The following SNTG2 variants were observed in gnomAD, a reference collection of about 807,000 sequenced individuals.
SNTG2 encodes the protein gamma-2-syntrophin.
A neutral mutation model predicts 70.9 loss-of-function variants in SNTG2; 74 were observed. The observed-to-expected ratio is 1.04, with a 90% CI of 0.86 to 1.27. SNTG2 has a LOEUF of 1.27. Ranked by LOEUF, SNTG2 falls within the 50% of genes most tolerant of loss-of-function variation. The probability of loss-of-function intolerance (pLI) is 0.00; values close to 1 mark genes in which losing one functional copy is unlikely to be tolerated. For synonymous variants in SNTG2, 278 were observed against 273.8 expected (o/e 1.02, Z -0.15); for missense variants, 717 against 690.7 (o/e 1.04, Z -0.43).
At chr2:1,046,767 TTCTC>T (rs147108829) in intron 1 of SNTG2, among the ~76,000 whole-genome samples, 2 of 152,080 alleles carry the variant, frequency 1.3e-5, no homozygotes, top group South Asian at 2.1e-4. Context: ...GATCTTCCTC[TTCTC>T]TCTCTCTGTC....
intron 6 of SNTG2, among the ~76,000 whole-genome samples, chr2:1,138,713 G>C (rs1317281882): frequency 6.6e-6 from 1 of 152,204 alleles, no homozygotes; most frequent in African/African-American, 2.4e-5. Flanking sequence ...GTTTAATTCT[G>C]TGAGTTGCAG....
intron 9 of SNTG2, among the ~76,000 whole-genome samples, chr2:1,230,676 G>A (rs759601177): frequency 6.6e-5 from 10 of 152,302 alleles, no homozygotes; most frequent in East Asian, 1.9e-4. Flanking sequence ...CCCACCTTAC[G>A]GATAGCACAG....
intron 12 of SNTG2, among the ~76,000 whole-genome samples, chr2:1,258,055 TA>T (rs1678221983): frequency 6.6e-6 from 1 of 152,102 alleles, no homozygotes; most frequent in Non-Finnish European, 1.5e-5. Flanking sequence ...TTGCCAGTAA[TA>T]AAACCAGCAC....
rs372549426 is a variant in SNTG2, at chr2:1,097,787, C to T, written c.211-409C>T. Among the ~76,000 whole-genome samples the T allele has an allele frequency of 2.1e-4, 32 of 152,066 alleles. 1 individual carries two copies. Among genetic ancestry groups the T allele is most frequent in the African/African-American group, 7.2e-4 (30 of 41,488 alleles). The stretch of plus-strand genomic sequence containing the variant: ...ACTTCAGCAGAGACGTACAGTGAAG[C>T]GTGAGCCGGTCCTGGGGTTGGTGGG... On this transcript the variant is annotated intron_variant, in intron 2 of 16. Transcript: ENST00000308624. The surrounding 1 kb of genome is among the most constrained non-coding windows in gnomAD (Gnocchi z 4.1).
In SNTG2 at chr2:950,930, GGCTCGGACGGGGTCCTGGCGTTGA is replaced by G. The variant is rs1572154015; in HGVS notation, c.-60_-37del. 12 of 829,958 alleles carry G rather than the reference GGCTCGGACGGGGTCCTGGCGTTGA, an allele frequency of 1.4e-5. No homozygotes were observed. In the East Asian group the frequency reaches 4.8e-4, roughly 33 times the overall value. 51.4% of individuals were successfully genotyped at this position (829,958 alleles called of 1,614,324 possible). On this transcript the variant is annotated 5_prime_UTR_variant, in exon 1 of 17. Coordinates refer to ENST00000308624, the MANE Select transcript of SNTG2 (RefSeq NM_018968.4). ...CGCGGCGCCTGGCGGGGCCCTGGGA[GGCTCGGACGGGGTCCTGGCGTTGA>G]GCTCGGCCGGCCCGGAGCGCGGACC...
intron 14 of SNTG2, among the ~76,000 whole-genome samples, chr2:1,284,048 T>TA (rs1458253401): frequency 2.6e-5 from 4 of 152,174 alleles, no homozygotes; most frequent in Admixed American, 2.6e-4. Context: ...TCCTGAGTAT[T>TA]GCTCTTGGTG....
intron 14 of SNTG2, among the ~76,000 whole-genome samples, chr2:1,276,355 A>G (rs970197697): frequency 3.9e-5 from 6 of 152,230 alleles, no homozygotes; most frequent in African/African-American, 1.2e-4. Context: ...GGTCCAATGT[A>G]TATGGAGACT....
At chr2:1,242,681 C>G (rs1371545620) in intron 11 of SNTG2, 1 of 152,142 alleles carries the variant, frequency 6.6e-6, no homozygotes, top group Non-Finnish European at 1.5e-5. Flanking sequence ...ATTGCCAAAT[C>G]TCCCTGACCC....
At chr2:1,328,909 A>AT (rs2148281261) in intron 16 of SNTG2, among the ~76,000 whole-genome samples, 1 of 106,934 alleles carries the variant, frequency 9.4e-6, no homozygotes, top group Non-Finnish European at 2.0e-5. Context: ...GCACACACAC[A>AT]TGCACACATA....
At chr2:1,349,175 C>A (rs1293189671) in intron 16 of SNTG2, among the ~76,000 whole-genome samples, 1 of 152,220 alleles carries the variant, frequency 6.6e-6, no homozygotes, top group South Asian at 2.1e-4. Flanking sequence ...GATGTCCAAA[C>A]TGTCTTTGTG....
At chr2:1,106,669 G>C (rs576415964) in intron 4 of SNTG2, among the ~76,000 whole-genome samples, 39 of 137,402 alleles carry the variant, frequency 2.8e-4, no homozygotes, top group African/African-American at 1.1e-3. Flanking sequence ...CGGGTGCAGG[G>C]TATGGAGAGC....
At chr2:1,201,044 G>T (rs2147968002) in intron 8 of SNTG2, among the ~76,000 whole-genome samples, 1 of 152,004 alleles carries the variant, frequency 6.6e-6, no homozygotes, top group South Asian at 2.1e-4. Flanking sequence ...TCCCACTAGT[G>T]GGTATTTATT....
intron 9 of SNTG2, among the ~76,000 whole-genome samples, chr2:1,232,604 G>C (rs555244766): frequency 6.6e-6 from 1 of 152,248 alleles, no homozygotes; most frequent in South Asian, 2.1e-4. Context: ...AGCCCACCAT[G>C]ACTTTTTAAT....
intron 1 of SNTG2, among the ~76,000 whole-genome samples, chr2:1,074,181 G>A (rs10469999): frequency 1 from 152,338 of 152,346 alleles, 76,165 homozygotes; most frequent in Non-Finnish European, 1. Flanking sequence ...GGCAGCTGCA[G>A]TGTAGCCCCT....
chr2:1,077,517 G>C (rs898397436), intron 1 of SNTG2, among the ~76,000 whole-genome samples: 1 of 152,066 alleles, frequency 6.6e-6, no homozygotes, highest in Non-Finnish European at 1.5e-5. Context: ...CAGGGTGCTC[G>C]TGTTTCCTCA....
intron 6 of SNTG2, among the ~76,000 whole-genome samples, chr2:1,148,938 GA>G (rs1437420158): frequency 6.6e-6 from 1 of 152,084 alleles, no homozygotes; most frequent in Admixed American, 6.5e-5. Context: ...CAGGAGTCTC[GA>G]GGTTTCACAG....
intron 16 of SNTG2, among the ~76,000 whole-genome samples, chr2:1,333,962 A>G (rs905142328): frequency 3.9e-5 from 6 of 152,210 alleles, no homozygotes; most frequent in Admixed American, 3.9e-4. Context: ...TAAACTAAAA[A>G]GCTCCTGCAC....
chr2:1,040,976 G>A (rs534637547), intron 1 of SNTG2, among the ~76,000 whole-genome samples: 8 of 152,194 alleles, frequency 5.3e-5, no homozygotes, highest in Admixed American at 1.3e-4. Flanking sequence ...TGAATCAGAC[G>A]GCTTTTTGGT....
At chr2:1,178,943 T>A (rs1192283472) in intron 8 of SNTG2, among the ~76,000 whole-genome samples, 1 of 152,068 alleles carries the variant, frequency 6.6e-6, no homozygotes, top group Non-Finnish European at 1.5e-5. Flanking sequence ...TGGACTCTTT[T>A]TGGTTGGTAA....
Sources: gnomAD v4.1 joint callset for allele counts (sites outside exome capture counted in the v4.1 genomes callset) on GRCh38, gnomAD v4.1.1 for gene constraint, Gnocchi (gnomAD v3.1) non-coding constraint, MANE v1.5 for transcripts, NCBI Gene and HGNC (gene_info 2026-07-23, HGNC 2026-07-21) for gene names.